Variants in BTN2A1 observed in about 807,000 individuals in gnomAD.
BTN2A1 encodes butyrophilin, subfamily 2, member A1.
BTN2A1 carries 41 observed loss-of-function variants against 34.5 expected under a neutral mutation model. That is an observed-to-expected ratio of 1.19 (90% confidence interval 0.93 to 1.54). The LOEUF (loss-of-function observed/expected upper bound fraction) is 1.54, where lower values mean the gene tolerates loss of function less well. Among genes scored for constraint, BTN2A1 ranks in the 40% most tolerant of loss-of-function variants. BTN2A1 has a pLI of 0.00. For missense variants in BTN2A1, 642 were observed against 662.0 expected, an observed-to-expected ratio of 0.97 and a Z score of 0.33; for synonymous variants, 267 against 258.6, an observed-to-expected ratio of 1.03 and a Z score of -0.31.
chr6:26,458,614 G>A lies in BTN2A1; in HGVS notation c.-23G>A, dbSNP rs1291834119. On this transcript the variant is annotated 5_prime_UTR_variant, in exon 2 of 8. Transcript: ENST00000312541. The stretch of plus-strand genomic sequence containing the variant: ...TCTCCTCTGTAACCCTAGGCCTCCT[G>A]TCCCTGCCTGCTCTGGGTGCTCATG... The A allele has an allele frequency of 1.2e-6, 2 of 1,613,846 alleles. No homozygotes were observed. Among genetic ancestry groups the A allele is most frequent in the Non-Finnish European group, 1.7e-6 (2 of 1,179,816 alleles).
In BTN2A1 at chr6:26,459,652, C is replaced by G; in HGVS notation, c.254C>G (p.Thr85Arg). The part of the protein sequence containing the change: ...VFVYKGGRER[T>R]EEQMEEYRGR... ...GTGTATAAAGGTGGCAGAGAGAGAACAGAGGAGCAGATGGAGGAGTACCGA... is the reference window on the plus strand; with the variant it reads ...GTGTATAAAGGTGGCAGAGAGAGAAGAGAGGAGCAGATGGAGGAGTACCGA... Residue 85 changes from threonine (T) to arginine (R), a missense_variant, in exon 3 of 8, where the codon ACA becomes AGA. Thr to Arg is a moderately conservative substitution (Grantham distance 71, BLOSUM62 -1). Transcript: ENST00000312541. 6.2e-7 allele frequency: 1 copy of G among 1,614,044 alleles called. No homozygotes were observed. Among genetic ancestry groups the G allele is most frequent in the Non-Finnish European group, 8.5e-7 (1 of 1,179,986 alleles).
chr6:26,462,562 A>T (rs993439779), intron 3 of BTN2A1, among the ~76,000 whole-genome samples: 3 of 152,216 alleles, frequency 2.0e-5, no homozygotes, highest in African/African-American at 7.2e-5. Context: ...CAACAAAAGC[A>T]ATACTGCCTA....
intron 2 of BTN2A1, 141 bp downstream of exon 2, chr6:26,458,859 A>T: frequency 8.7e-7 from 1 of 1,152,066 alleles, no homozygotes; most frequent in Non-Finnish European, 1.3e-6. Context: ...TTATACCAGC[A>T]CTGTCCAAAA....
chr6:26,466,487 C>T (rs1429196249), intron 7 of BTN2A1, among the ~76,000 whole-genome samples: 5 of 152,016 alleles, frequency 3.3e-5, no homozygotes, highest in African/African-American at 1.2e-4. Context: ...GTTGAAGACC[C>T]ATGTAGGGAA....
At chr6:26,466,491 T>C (rs1467010029) in intron 7 of BTN2A1, among the ~76,000 whole-genome samples, 6 of 152,078 alleles carry the variant, frequency 3.9e-5, no homozygotes, top group Non-Finnish European at 4.4e-5. Flanking sequence ...AAGACCCATG[T>C]AGGGAAGAGG....
intron 7 of BTN2A1, among the ~76,000 whole-genome samples, chr6:26,475,805 A>G (rs1306858698): frequency 3.9e-5 from 6 of 152,122 alleles, no homozygotes; most frequent in South Asian, 2.1e-4. Context: ...GATTGAGGGG[A>G]AAAATTTATG....
At position 26,465,763 on chromosome 6, in the gene BTN2A1, A is replaced by G. The variant is rs555429943; in HGVS notation, c.935-190A>G. On this transcript the variant is annotated intron_variant, in intron 5 of 7. Transcript: ENST00000312541. ...AGTACTAAATGGTTGAGCAAAAGCAAGTGTAACAATGTGCTGGTACTACCC... is the reference window on the plus strand; with the variant it reads ...AGTACTAAATGGTTGAGCAAAAGCAGGTGTAACAATGTGCTGGTACTACCC... The G allele has an allele frequency of 1.9e-4, 179 of 953,120 alleles. 1 individual carries two copies. Among genetic ancestry groups the G allele is most frequent in the Non-Finnish European group, 2.2e-4 (174 of 800,916 alleles). 59.0% of individuals were successfully genotyped at this position (953,120 alleles called of 1,614,324 possible).
At position 26,468,613 on chromosome 6, in the gene BTN2A1, A is replaced by G. The variant is rs1431486125; in HGVS notation, c.*64A>G. On this transcript the variant is annotated 3_prime_UTR_variant, in exon 8 of 8. Transcript: ENST00000312541. Reference sequence around the variant, plus strand: ...TGGTCATCTCAGCAGCCACCGCACAACACCCCTGGTGGAAGACACGCCCTC... The same window carrying G: ...TGGTCATCTCAGCAGCCACCGCACAGCACCCCTGGTGGAAGACACGCCCTC... 2 of 1,613,968 alleles carry G rather than the reference A, an allele frequency of 1.2e-6. No individual in the cohort carries two copies. The highest frequency in any genetic ancestry group is 1.7e-6 in the Non-Finnish European group (2 of 1,180,006).
In BTN2A1 at chr6:26,469,246, C is replaced by G. The variant is rs574869249; in HGVS notation, c.*697C>G. 6.1e-5 allele frequency: 61 copies of G among 1,002,636 alleles called. No individual in the cohort carries two copies. The highest frequency in any genetic ancestry group is 1.0e-4 in the Admixed American group (2 of 19,074). The allele number at this position is 1,002,636 out of a possible 1,614,324, so 62.1% of individuals were successfully genotyped here. On this transcript the variant is annotated 3_prime_UTR_variant, in exon 8 of 8. Coordinates refer to ENST00000312541, the MANE Select transcript of BTN2A1 (RefSeq NM_007049.5). ...TTGGCAAGGAGTCAGTACTCAGTCC[C>G]TGAGTGTGGCTGAAATTTGAGGTCC...
At chr6:26,466,861 A>G (rs72500819) in intron 7 of BTN2A1, among the ~76,000 whole-genome samples, 3,222 of 152,300 alleles carry the variant, frequency 0.021, 79 homozygotes, top group African/African-American at 0.057. Flanking sequence ...ACACAATAGA[A>G]AAGTAGACTG....
At chr6:26,461,330 G>A (rs1204792848) in intron 3 of BTN2A1, among the ~76,000 whole-genome samples, 1 of 152,192 alleles carries the variant, frequency 6.6e-6, no homozygotes, top group Non-Finnish European at 1.5e-5. Context: ...AGGTTGGTTG[G>A]TGGCTGATTT....
intron 7 of BTN2A1, among the ~76,000 whole-genome samples, chr6:26,475,775 G>A (rs992847384): frequency 6.6e-6 from 1 of 151,880 alleles, no homozygotes; most frequent in Non-Finnish European, 1.5e-5. Flanking sequence ...TAAATACAAG[G>A]AAAAAAGAAA....
intron 2 of BTN2A1, 127 bp downstream of exon 2, chr6:26,458,845 G>T: frequency 8.0e-7 from 1 of 1,248,410 alleles, no homozygotes. Flanking sequence ...CATGTTCATT[G>T]AATTTATACC....
chr6:26,458,528 C>G (rs1207169562), intron 1 of BTN2A1, 79 bp from the exon 2 acceptor site: 2 of 1,176,436 alleles, frequency 1.7e-6, no homozygotes, highest in Non-Finnish European at 2.5e-6. Flanking sequence ...ATGAGACCTA[C>G]TTGAGTGACG....
downstream of BTN2A1, among the ~76,000 whole-genome samples, chr6:26,470,025 A>C (rs1236686767): frequency 6.6e-6 from 1 of 152,000 alleles, no homozygotes; most frequent in Non-Finnish European, 1.5e-5. Context: ...ACTCCAGCCT[A>C]GGCAACAGAG....
rs142538560 is a variant in BTN2A1, at chr6:26,463,503, A to G, written c.690A>G (p.Lys230=). The change falls in exon 4 of 8, where the codon AAA becomes AAG. Residue 230 remains lysine, a synonymous_variant. Transcript: ENST00000312541. ...SINNTLLGQK[K]ESVIFIPESF... ...ACAACACCCTGCTCGGCCAGAAGAA[A>G]GAAAGTGTCATTTTTATTCCAGGTT... The G allele has an allele frequency of 5.6e-6, 9 of 1,613,862 alleles. No homozygotes were observed. The African/African-American group carries it at 1.2e-4, about 22-fold the overall frequency.
At chr6:26,463,629 C>CAGG in intron 4 of BTN2A1, 104 bp downstream of exon 4, 2 of 1,373,882 alleles carry the variant, frequency 1.5e-6, no homozygotes, top group Non-Finnish European at 2.0e-6. Flanking sequence ...TGAAATAGTC[C>CAGG]TGGGCCCTAA....
chr6:26,470,674 C>G (rs1293265412), downstream of BTN2A1, among the ~76,000 whole-genome samples: 4 of 152,054 alleles, frequency 2.6e-5, no homozygotes, highest in Admixed American at 1.3e-4. Context: ...TGAATTCTCT[C>G]TCTCTCTCTG....
downstream of BTN2A1, among the ~76,000 whole-genome samples, chr6:26,470,345 C>A (rs1763426328): frequency 6.6e-6 from 1 of 152,026 alleles, no homozygotes; most frequent in Non-Finnish European, 1.5e-5. Flanking sequence ...AAACTCCCGT[C>A]TCAAACAAAG....
Sources: allele counts gnomAD v4.1 joint callset (sites outside exome capture counted in the v4.1 genomes callset), GRCh38; gene constraint gnomAD v4.1.1; transcripts MANE v1.5; gene names NCBI Gene and HGNC (gene_info 2026-07-23, HGNC 2026-07-21).